The following HPSE2 variants were observed in gnomAD, a reference collection of about 807,000 sequenced individuals.
The protein encoded by HPSE2 is heparanase 2 (inactive).
In HPSE2, 38 loss-of-function variants were observed where a neutral mutation model predicts 60.5. That is an observed-to-expected ratio of 0.63 (90% CI 0.48 to 0.82). HPSE2 has a LOEUF of 0.82. Among genes scored for constraint, HPSE2 ranks in the 40% least tolerant of loss-of-function variants. The probability of loss-of-function intolerance (pLI) is 0.00; values close to 1 mark genes in which losing one functional copy is unlikely to be tolerated. For synonymous variants in HPSE2, 295 were observed against 293.2 expected, an observed-to-expected ratio of 1.01 and a Z score of -0.06; for missense variants, 713 against 740.4, an observed-to-expected ratio of 0.96 and a Z score of 0.43.
chr10:99,169,910 T>C (rs185301513), intron 2 of HPSE2, among the ~76,000 whole-genome samples: 29 of 152,308 alleles, frequency 1.9e-4, no homozygotes, highest in Admixed American at 1.6e-3. Context: ...CAACTCTCTA[T>C]GGGAAATAAA....
At chr10:98,662,000 T>C (rs188304983) in intron 6 of HPSE2, among the ~76,000 whole-genome samples, 105 of 152,316 alleles carry the variant, frequency 6.9e-4, no homozygotes, top group African/African-American at 2.4e-3. Context: ...GTTCAAGCGA[T>C]TCCCCTGCCT....
At chr10:99,184,815 T>TAC (rs1847928842) in intron 2 of HPSE2, among the ~76,000 whole-genome samples, 2 of 28,644 alleles carry the variant, frequency 7.0e-5, no homozygotes, top group Admixed American at 4.3e-4. Context: ...TATATATATA[T>TAC]ATATAGAGAG....
intron 3 of HPSE2, among the ~76,000 whole-genome samples, chr10:98,978,387 A>G (rs903437818): frequency 9.2e-5 from 14 of 152,178 alleles, no homozygotes; most frequent in African/African-American, 3.4e-4. Context: ...TAGGTTAGCT[A>G]TTCCTATTAT....
chr10:99,202,369 T>C (rs1369341393), intron 2 of HPSE2, among the ~76,000 whole-genome samples: 1 of 152,186 alleles, frequency 6.6e-6, no homozygotes. Context: ...TGATCAACCA[T>C]ATATATTCAT....
chr10:98,688,867 T>A (rs1947998944), intron 6 of HPSE2, among the ~76,000 whole-genome samples: 1 of 152,202 alleles, frequency 6.6e-6, no homozygotes, highest in African/African-American at 2.4e-5. Flanking sequence ...ATATTTTTGC[T>A]GGATATAGAA....
intron 11 of HPSE2, among the ~76,000 whole-genome samples, chr10:98,469,782 A>T (rs537748108): frequency 1.3e-5 from 2 of 152,214 alleles, no homozygotes; most frequent in African/African-American, 4.8e-5. Flanking sequence ...ACCCTTAGTG[A>T]TCTCATCCTG....
chr10:98,742,966 T>G (rs1181563599), intron 4 of HPSE2, among the ~76,000 whole-genome samples: 3 of 132,866 alleles, frequency 2.3e-5, no homozygotes, highest in African/African-American at 8.5e-5. Context: ...TTTTTTTCCT[T>G]TTCTTTTCTT....
chr10:98,619,001 C>G (rs1011035119), intron 8 of HPSE2, among the ~76,000 whole-genome samples: 2 of 152,206 alleles, frequency 1.3e-5, no homozygotes, highest in African/African-American at 4.8e-5. Flanking sequence ...GCTGAGGACA[C>G]AGAAATGGAA....
chr10:99,191,282 C>G (rs1592210), intron 2 of HPSE2, among the ~76,000 whole-genome samples: 82,593 of 151,534 alleles, frequency 0.55, 24,294 homozygotes, highest in East Asian at 0.65. Flanking sequence ...CAGCCAGGCA[C>G]TTATGACCAT....
At chr10:99,304,590 G>C in the HPSE2 span, among the ~76,000 whole-genome samples, 5 of 152,298 alleles carry the variant, frequency 3.3e-5, no homozygotes, top group Non-Finnish European at 7.4e-5. Context: ...TACGTTTAAA[G>C]GTATCAAAGA....
chr10:98,913,448 G>C lies in HPSE2; in HGVS notation c.611-169392C>G, dbSNP rs55692821. On this transcript the variant is annotated intron_variant, in intron 3 of 11. Coordinates refer to ENST00000370552, the MANE Select transcript of HPSE2 (RefSeq NM_021828.5). ...CTATTTTCTTATAGTGAAGTAAGTT[G>C]TGTGTAAATCTCTATTATCTCTTAC... Among the ~76,000 whole-genome samples, 680 of 152,342 alleles carry C rather than the reference G, an allele frequency of 4.5e-3. 2 individuals are homozygous for C. The highest frequency in any genetic ancestry group is 7.0e-3 in the Non-Finnish European group (475 of 68,036).
Position 98,472,330 on chromosome 10 carries a change from C to T in HPSE2, c.1613+10306G>A, listed in dbSNP as rs1036718036. On this transcript the variant is annotated intron_variant, in intron 11 of 11. Transcript: ENST00000370552. ...CTTTCCTGTTAACTCACAGCCAGCT[C>T]GTAAATCTCCCTGATCCCAGGCACT... is the stretch of plus-strand genomic sequence containing the variant. Among the ~76,000 whole-genome samples the T allele has an allele frequency of 3.3e-5, 5 of 152,216 alleles. No homozygotes were observed. The East Asian group carries it at 7.7e-4, about 24-fold the overall frequency.
chr10:98,567,229 G>C lies in HPSE2; in HGVS notation c.1320+47675C>G, dbSNP rs1023045028. Among the ~76,000 whole-genome samples, 5 of 152,188 alleles carry C rather than the reference G, an allele frequency of 3.3e-5. No homozygotes were observed. The East Asian group carries it at 9.6e-4, about 29-fold the overall frequency. ...TGAGACAGGATGAGGTGTAAGGCAG[G>C]GATGAAGGAAGAGAGAGAAGGGCTC... is the stretch of plus-strand genomic sequence containing the variant. On this transcript the variant is annotated intron_variant, in intron 9 of 11. Transcript: ENST00000370552.
chr10:99,087,404 G>A (rs1472554099), intron 3 of HPSE2, among the ~76,000 whole-genome samples: 3 of 152,170 alleles, frequency 2.0e-5, no homozygotes, highest in Non-Finnish European at 4.4e-5. Flanking sequence ...CCTGCCCTTG[G>A]ATACACGTAA....
chr10:98,587,860 T>C (rs1298172251), intron 9 of HPSE2, among the ~76,000 whole-genome samples: 1 of 152,238 alleles, frequency 6.6e-6, no homozygotes, highest in Non-Finnish European at 1.5e-5. Context: ...TTTAGAGATC[T>C]TAAACCAATG....
intron 3 of HPSE2, among the ~76,000 whole-genome samples, chr10:98,810,760 A>G (rs1334437656): frequency 1.4e-5 from 1 of 69,946 alleles, no homozygotes; most frequent in Non-Finnish European, 4.4e-5. Flanking sequence ...GATGAACTAA[A>G]AAAAAAAAAT....
At chr10:98,775,419 G>T (rs1950319824) in intron 3 of HPSE2, among the ~76,000 whole-genome samples, 1 of 152,218 alleles carries the variant, frequency 6.6e-6, no homozygotes, top group East Asian at 1.9e-4. Flanking sequence ...ATGAAACATA[G>T]ATCACTATGA....
At chr10:99,162,162 A>T (rs1280474285) in intron 2 of HPSE2, among the ~76,000 whole-genome samples, 1 of 152,222 alleles carries the variant, frequency 6.6e-6, no homozygotes. Context: ...ATACACTCAA[A>T]TGGTAAATTC....
rs771588998 is a variant in HPSE2, at chr10:99,235,566, G to A, written c.237C>T (p.Leu79=). 1.2e-6 allele frequency: 2 copies of A among 1,614,142 alleles called. No individual in the cohort carries two copies. The highest frequency in any genetic ancestry group is 1.1e-5 in the South Asian group (1 of 91,074). The change falls in exon 1 of 12, where the codon CTC becomes CTT. Residue 79 remains leucine, a synonymous_variant. Transcript: ENST00000370552. ...NPVRTVNENF[L]SLQLDPSIIH... is the part of the protein sequence containing the mutation. Reference sequence around the variant, plus strand: ...TGATGGACGGATCCAGCTGCAGAGAGAGGAAGTTCTCATTGACTGTCCTGA... The same window carrying A: ...TGATGGACGGATCCAGCTGCAGAGAAAGGAAGTTCTCATTGACTGTCCTGA...
Sources: allele counts gnomAD v4.1 joint callset (sites outside exome capture counted in the v4.1 genomes callset), GRCh38; gene constraint gnomAD v4.1.1; transcripts MANE v1.5; gene names NCBI Gene and HGNC (gene_info 2026-07-23, HGNC 2026-07-21).